PALM2AKAP2: variants seen among roughly 807,000 people sequenced by gnomAD.
The protein encoded by PALM2AKAP2 is PALM2-AKAP2 fusion protein.
A neutral mutation model predicts 71.5 loss-of-function variants in PALM2AKAP2; 37 were observed. The observed-to-expected ratio is 0.52, with a 90% CI of 0.40 to 0.68. The LOEUF (loss-of-function observed/expected upper bound fraction) is 0.68, where lower values mean the gene tolerates loss of function less well. PALM2AKAP2 is among the 30% of genes least tolerant of loss of function. PALM2AKAP2 has a pLI of 0.00. For missense variants in PALM2AKAP2, 1,224 were observed against 1,191.8 expected (o/e 1.03, Z -0.40); for synonymous variants, 468 against 478.8 (o/e 0.98, Z 0.29).
At chr9:109,912,559 G>A (rs1333343938) in intron 3 of PALM2AKAP2, among the ~76,000 whole-genome samples, 3 of 152,198 alleles carry the variant, frequency 2.0e-5, no homozygotes, top group East Asian at 1.9e-4. Flanking sequence ...AAACAAATGC[G>A]CTGTCTTCCT....
At chr9:109,995,662 C>A (rs558817094) in intron 6 of PALM2AKAP2, among the ~76,000 whole-genome samples, 49 of 152,292 alleles carry the variant, frequency 3.2e-4, no homozygotes, top group African/African-American at 1.1e-3. Context: ...CACTGTCATG[C>A]AAACAGCATG....
At chr9:109,719,369 T>A (rs1828373124) in intron 1 of PALM2AKAP2, among the ~76,000 whole-genome samples, 1 of 152,224 alleles carries the variant, frequency 6.6e-6, no homozygotes. Flanking sequence ...ACAAATGCTT[T>A]GTATCCTCCA....
intron 1 of PALM2AKAP2, among the ~76,000 whole-genome samples, chr9:110,075,437 G>T (rs1054399490): frequency 6.6e-6 from 1 of 152,016 alleles, no homozygotes; most frequent in African/African-American, 2.4e-5. Context: ...AATAATGCAT[G>T]CTTATTATAG....
At chr9:110,140,914 A>G (rs528103724) in intron 2 of PALM2AKAP2, among the ~76,000 whole-genome samples, 2 of 152,316 alleles carry the variant, frequency 1.3e-5, no homozygotes, top group South Asian at 4.1e-4. Flanking sequence ...GAGTGCAGTG[A>G]CTTTCTTAAT....
chr9:110,030,160 C>T (rs1833254681), intron 7 of PALM2AKAP2, among the ~76,000 whole-genome samples: 1 of 152,150 alleles, frequency 6.6e-6, no homozygotes, highest in African/African-American at 2.4e-5. Context: ...GTTATATACC[C>T]TTCTTCTTAG....
intron 1 of PALM2AKAP2, among the ~76,000 whole-genome samples, chr9:109,642,013 T>C (rs1363186586): frequency 6.6e-6 from 1 of 152,186 alleles, no homozygotes; most frequent in East Asian, 1.9e-4. Flanking sequence ...ACTCCAGCAA[T>C]TGAATGTCTC....
intron 1 of PALM2AKAP2, chr9:109,765,483 C>CATCATGATCATGATCATG (rs1829136549): frequency 2.4e-5 from 1 of 41,130 alleles, no homozygotes; most frequent in African/African-American, 1.9e-4. Flanking sequence ...TGATCATCAT[C>CATCATGATCATGATCATG]ATCATCATCA....
At chr9:110,048,478 C>A (rs1189786928), upstream of PALM2AKAP2, 5 of 535,604 alleles carry the variant, frequency 9.3e-6, no homozygotes, top group Non-Finnish European at 1.6e-5. Flanking sequence ...TCCCTCTCTC[C>A]AGTCTCTGCA....
intron 1 of PALM2AKAP2, among the ~76,000 whole-genome samples, chr9:110,111,958 T>C (rs1835264020): frequency 6.6e-6 from 1 of 152,104 alleles, no homozygotes; most frequent in Non-Finnish European, 1.5e-5. Context: ...CCCTGCATGT[T>C]GGGGAGGGGT....
intron 1 of PALM2AKAP2, among the ~76,000 whole-genome samples, chr9:109,660,760 T>C (rs1827380987): frequency 6.6e-6 from 1 of 152,210 alleles, no homozygotes; most frequent in Non-Finnish European, 1.5e-5. Flanking sequence ...CCACAATGGT[T>C]GAAATAATTT....
chr9:109,919,223 G>A (rs1366983144), intron 3 of PALM2AKAP2, among the ~76,000 whole-genome samples: 1 of 152,186 alleles, frequency 6.6e-6, no homozygotes, highest in African/African-American at 2.4e-5. Flanking sequence ...TTAAATAGAT[G>A]TTGGGGTGCT....
At chr9:110,107,457 A>T (rs140463474) in intron 1 of PALM2AKAP2, among the ~76,000 whole-genome samples, 470 of 152,358 alleles carry the variant, frequency 3.1e-3, no homozygotes, top group Non-Finnish European at 6.1e-3. Flanking sequence ...CGGGGTGGAG[A>T]TGATAATAGT....
intron 1 of PALM2AKAP2, among the ~76,000 whole-genome samples, chr9:109,739,307 G>A (rs1828683296): frequency 1.3e-5 from 2 of 152,192 alleles, no homozygotes. Flanking sequence ...GTACTCTAAG[G>A]AAGATGGGGA....
At chr9:110,095,709 G>T (rs1834820218) in intron 1 of PALM2AKAP2, among the ~76,000 whole-genome samples, 1 of 152,120 alleles carries the variant, frequency 6.6e-6, no homozygotes, top group Admixed American at 6.5e-5. Flanking sequence ...CCCTTCCATT[G>T]CCTCCTCCCC....
At chr9:109,992,954 TAGAGAGAGAG>T (rs3063881) in intron 6 of PALM2AKAP2, among the ~76,000 whole-genome samples, 2 of 142,676 alleles carry the variant, frequency 1.4e-5, no homozygotes, top group Admixed American at 7.1e-5. Context: ...TATATATATA[TAGAGAGAGAG>T]AGAGAGAGAG....
chr9:109,871,795 T>A (rs1464492049), intron 2 of PALM2AKAP2, among the ~76,000 whole-genome samples: 1 of 152,184 alleles, frequency 6.6e-6, no homozygotes, highest in East Asian at 1.9e-4. Context: ...TAAAATCCCA[T>A]GGAGCATTCT....
intron 1 of PALM2AKAP2, among the ~76,000 whole-genome samples, chr9:110,099,466 GC>G (rs1309177144): frequency 2.0e-5 from 3 of 152,136 alleles, no homozygotes; most frequent in Non-Finnish European, 4.4e-5. Context: ...GGCGGTCTGA[GC>G]AACTATCTTT....
At chr9:109,749,644 T>C (rs1316714450) in intron 1 of PALM2AKAP2, among the ~76,000 whole-genome samples, 1 of 151,968 alleles carries the variant, frequency 6.6e-6, no homozygotes, top group African/African-American at 2.4e-5. Flanking sequence ...AAAGTTAAAA[T>C]GTTATGCAAT....
At chr9:109,876,552 T>C (rs1053182510) in intron 2 of PALM2AKAP2, among the ~76,000 whole-genome samples, 1 of 152,196 alleles carries the variant, frequency 6.6e-6, no homozygotes, top group Non-Finnish European at 1.5e-5. Context: ...GATCTTCGGC[T>C]CACTGCAACA....
Sources: allele counts gnomAD v4.1 joint callset (sites outside exome capture counted in the v4.1 genomes callset), GRCh38; gene constraint gnomAD v4.1.1; transcripts MANE v1.5; gene names NCBI Gene and HGNC (gene_info 2026-07-23, HGNC 2026-07-21).